Variants in GRB14 observed in about 807,000 individuals in gnomAD.
The protein encoded by GRB14 is growth factor receptor-bound protein 14.
A neutral mutation model predicts 69.1 loss-of-function variants in GRB14; 38 were observed. That is an observed-to-expected ratio of 0.55 (90% CI 0.42 to 0.72). GRB14 has a LOEUF of 0.72. Among genes scored for constraint, GRB14 ranks in the 30% least tolerant of loss-of-function variants. The pLI is 0.00. For synonymous variants in GRB14, 247 were observed against 241.3 expected (o/e 1.02, Z -0.22); for missense variants, 666 against 666.1 (o/e 1.00, Z 0.00).
chr2:164,606,056 T>C (rs980467728), intron 2 of GRB14, among the ~76,000 whole-genome samples: 2 of 152,228 alleles, frequency 1.3e-5, no homozygotes, highest in Non-Finnish European at 2.9e-5. Flanking sequence ...TGTATTCTAC[T>C]CATAAATACA....
chr2:164,573,748 T>A (rs1689175607), intron 2 of GRB14: 2 of 1,608,714 alleles, frequency 1.2e-6, no homozygotes, highest in African/African-American at 2.7e-5. Flanking sequence ...TTCATGCCCG[T>A]CTCTTCATAT....
intron 2 of GRB14, among the ~76,000 whole-genome samples, chr2:164,567,364 C>T (rs747543102): frequency 6.6e-6 from 1 of 152,088 alleles, no homozygotes; most frequent in African/African-American, 2.4e-5. Context: ...ACTATAGCCA[C>T]TTTAACTGTT....
chr2:164,495,690 T>A (rs1686874369), intron 12 of GRB14, among the ~76,000 whole-genome samples: 1 of 152,218 alleles, frequency 6.6e-6, no homozygotes, highest in Non-Finnish European at 1.5e-5. Flanking sequence ...GACGAGTTTA[T>A]CCATTTCATT....
At chr2:164,525,736 C>A (rs1687753489) in intron 4 of GRB14, among the ~76,000 whole-genome samples, 1 of 152,050 alleles carries the variant, frequency 6.6e-6, no homozygotes, top group South Asian at 2.1e-4. Context: ...ATATATTCTA[C>A]TATATTTCCT....
chr2:164,615,120 G>A (rs752347028), intron 2 of GRB14, among the ~76,000 whole-genome samples: 1 of 152,072 alleles, frequency 6.6e-6, no homozygotes, highest in Non-Finnish European at 1.5e-5. Context: ...AACTGTGGAA[G>A]CATGGGCAAA....
rs1274911817 is a variant in GRB14 at position 164,568,214 on chromosome 2, G to T, written c.325-20398C>A. On this transcript the variant is annotated intron_variant, in intron 2 of 13. Transcript: ENST00000263915. ...TAATGAATTATAGGCTCTTTCAAGG[G>T]TATGTAAGTAAAGCTTCCTATGTAT... The T allele has an allele frequency of 4.8e-5, 27 of 558,526 alleles. No individual in the cohort carries two copies. The East Asian group carries it at 1.4e-3, about 29-fold the overall frequency. The allele number at this position is 558,526 out of a possible 1,614,324, so 34.6% of individuals were successfully genotyped here. A position where few individuals can be genotyped will look rare whatever the true frequency, so the allele number is the denominator to read the frequency against.
At chr2:164,519,432 C>T (rs1687577581) in intron 6 of GRB14, among the ~76,000 whole-genome samples, 1 of 152,078 alleles carries the variant, frequency 6.6e-6, no homozygotes, top group African/African-American at 2.4e-5. Flanking sequence ...GAAAGCATTC[C>T]CCCTGAGAAC....
intron 3 of GRB14, among the ~76,000 whole-genome samples, chr2:164,527,511 C>A (rs564237967): frequency 2.2e-4 from 34 of 151,792 alleles, no homozygotes; most frequent in African/African-American, 7.2e-4. Flanking sequence ...TCTGACTCAT[C>A]ATGGTGCCAA....
At chr2:164,523,599 TATTA>T (rs959512087) in intron 5 of GRB14, among the ~76,000 whole-genome samples, 5 of 152,242 alleles carry the variant, frequency 3.3e-5, no homozygotes, top group Admixed American at 2.0e-4. Flanking sequence ...GAGCCACAGA[TATTA>T]ATTAATTGAC....
At chr2:164,523,983 A>C (rs1013778697) in intron 5 of GRB14, among the ~76,000 whole-genome samples, 3 of 152,044 alleles carry the variant, frequency 2.0e-5, no homozygotes, top group Admixed American at 6.6e-5. Context: ...CATTTACCTA[A>C]CATTTTGACA....
intron 2 of GRB14, among the ~76,000 whole-genome samples, chr2:164,560,786 T>A (rs982530322): frequency 1.3e-5 from 2 of 152,166 alleles, no homozygotes; most frequent in Non-Finnish European, 2.9e-5. Flanking sequence ...AAAGCCTGAA[T>A]GTATACGTTC....
At chr2:164,494,385 T>C (rs1312750420) in intron 13 of GRB14, 46 bp downstream of exon 13, 1 of 1,013,116 alleles carries the variant, frequency 9.9e-7, no homozygotes, top group Admixed American at 1.7e-5. Flanking sequence ...AGCTTATGCA[T>C]TAAGGTCATT....
chr2:164,508,980 TA>T, intron 6 of GRB14, 128 bp from the exon 7 acceptor site: 1 of 458,248 alleles, frequency 2.2e-6, no homozygotes, highest in Non-Finnish European at 3.7e-6. Context: ...GCCACAAAAA[TA>T]AAAGGAGAAA....
chr2:164,561,903 T>A (rs1413718083), intron 2 of GRB14, among the ~76,000 whole-genome samples: 5 of 152,142 alleles, frequency 3.3e-5, no homozygotes, highest in Non-Finnish European at 7.3e-5. Flanking sequence ...AAGTTGGAGC[T>A]AGATAAAGGT....
intron 2 of GRB14, among the ~76,000 whole-genome samples, chr2:164,615,645 G>T (rs1407178146): frequency 6.6e-6 from 1 of 152,122 alleles, no homozygotes; most frequent in African/African-American, 2.4e-5. Context: ...AAGAATATTG[G>T]AATAGAAGAT....
At chr2:164,504,427 T>A (rs900981925) in intron 8 of GRB14, among the ~76,000 whole-genome samples, 16 of 152,058 alleles carry the variant, frequency 1.1e-4, no homozygotes, top group African/African-American at 3.9e-4. Flanking sequence ...GCCAGGGGGA[T>A]CCAACAGGAG....
chr2:164,619,675 A>T lies in GRB14; in HGVS notation c.324+12T>A. On this transcript the variant is annotated intron_variant, in intron 2 of 13. Transcript: ENST00000263915. ...CTAAGATTTTTGAAATTTAAAATTTAAAAATGCATACCTGTTTTTTCCTTG... is the reference window on the plus strand; with the variant it reads ...CTAAGATTTTTGAAATTTAAAATTTTAAAATGCATACCTGTTTTTTCCTTG... 1.3e-6 allele frequency: 2 copies of T among 1,561,350 alleles called. No individual in the cohort carries two copies. Among genetic ancestry groups the T allele is most frequent in the Non-Finnish European group, 1.7e-6 (2 of 1,157,836 alleles).
rs1450909415 is a variant in GRB14, at chr2:164,621,069, C to A, written c.191+50G>T. On this transcript the variant is annotated intron_variant, in intron 1 of 13. Transcript: ENST00000263915. This position sits in a 1 kb window ranked among gnomAD's most constrained non-coding sequence, Gnocchi z 6.0. ...CCCTAGGACCGCCTCCTCACCCCCT[C>A]GCCGGCTGCCCAGCCAGGACACTCC... is the stretch of plus-strand genomic sequence containing the variant. 1.6e-6 allele frequency: 2 copies of A among 1,241,096 alleles called. No individual in the cohort carries two copies. The highest frequency in any genetic ancestry group is 6.3e-5 in the East Asian group (2 of 31,664). 76.9% of individuals were successfully genotyped at this position (1,241,096 alleles called of 1,614,324 possible).
At chr2:164,582,018 A>T (rs531105719) in intron 2 of GRB14, among the ~76,000 whole-genome samples, 84 of 152,306 alleles carry the variant, frequency 5.5e-4, no homozygotes, top group Non-Finnish European at 1.1e-3. Flanking sequence ...GCTTATTCAG[A>T]CCCAAGACTT....
Sources: allele counts gnomAD v4.1 joint callset (sites outside exome capture counted in the v4.1 genomes callset), GRCh38; gene constraint gnomAD v4.1.1; non-coding constraint Gnocchi (gnomAD v3.1); transcripts MANE v1.5; gene names NCBI Gene and HGNC (gene_info 2026-07-23, HGNC 2026-07-21).